Variants in TAF5 observed in about 807,000 individuals in gnomAD.
TAF5 encodes the protein TATA-box binding protein associated factor 5, also known as transcription initiation factor TFIID subunit 5.
A neutral mutation model predicts 80.9 loss-of-function variants in TAF5; 20 were observed. The observed-to-expected ratio is 0.25, with a 90% CI of 0.17 to 0.36. The LOEUF is 0.36. TAF5 is among the 10% of genes least tolerant of loss of function. The pLI is 1.00. For synonymous variants in TAF5, 388 were observed against 406.4 expected, an observed-to-expected ratio of 0.95 and a Z score of 0.55; for missense variants, 863 against 1,029.4, an observed-to-expected ratio of 0.84 and a Z score of 2.21.
chr10:103,368,545 A>G lies in TAF5; in HGVS notation c.556A>G (p.Lys186Glu), dbSNP rs1284055901. The G allele has an allele frequency of 2.6e-6, 4 of 1,513,536 alleles. No individual in the cohort carries two copies. Among genetic ancestry groups the G allele is most frequent in the South Asian group, 2.5e-5 (2 of 79,892 alleles). The allele number at this position is 1,513,536 out of a possible 1,614,324, so 93.8% of individuals were successfully genotyped here. Reference sequence around the variant, plus strand: ...AGCCTCAGGTCCTGCGGCTCCGGGTAAAGGTGAGCCGTGGGGTCCCGGGTA... The same window carrying G: ...AGCCTCAGGTCCTGCGGCTCCGGGTGAAGGTGAGCCGTGGGGTCCCGGGTA... ...GSASGPAAPG[K>E]VGSVAVEDQP... The change falls in exon 1 of 11, where the codon AAA (lysine) becomes GAA (glutamate). Residue 186 changes from lysine to glutamate, a missense_variant. Lys to Glu is a moderately conservative substitution (Grantham distance 56, BLOSUM62 1). Transcript: ENST00000369839.
chr10:103,385,650 C>T (rs149271488), intron 8 of TAF5, among the ~76,000 whole-genome samples, 160 bp downstream of exon 8: 17 of 152,012 alleles, frequency 1.1e-4, no homozygotes, highest in East Asian at 5.8e-4. Context: ...TGGGGCCGGG[C>T]GCAGTGGCTT....
rs2093349253 is a variant in TAF5, at chr10:103,368,102, G to A, written c.113G>A (p.Gly38Asp). Residue 38 changes from glycine to aspartate, a missense_variant, in exon 1 of 11, where the codon GGC (glycine) becomes GAC (aspartate). Physicochemically the swap from Gly to Asp is moderately conservative, Grantham distance 94. Transcript: ENST00000369839. ...AGDGAGEGSGGTTNNGPNGGG... is the reference protein window; with the variant it reads ...AGDGAGEGSGDTTNNGPNGGG... Reference sequence around the variant, plus strand: ...GACGGCGCAGGCGAGGGTAGCGGCGGCACTACCAACAACGGCCCCAACGGC... The same window carrying A: ...GACGGCGCAGGCGAGGGTAGCGGCGACACTACCAACAACGGCCCCAACGGC... The A allele has an allele frequency of 4.2e-6, 6 of 1,419,920 alleles. No homozygotes were observed. In the South Asian group the frequency reaches 5.9e-5, roughly 14 times the overall value. 88.0% of individuals were successfully genotyped at this position (1,419,920 alleles called of 1,614,324 possible).
chr10:103,380,231 C>T (rs1347274194), intron 5 of TAF5, among the ~76,000 whole-genome samples: 1 of 151,936 alleles, frequency 6.6e-6, no homozygotes, highest in Non-Finnish European at 1.5e-5. Context: ...CAGGTTCATG[C>T]CATTCTTCTG....
At position 103,378,205 on chromosome 10, in the gene TAF5, A is replaced by C. The variant is rs758011284; in HGVS notation, c.798-30A>C. 3 of 1,589,352 alleles carry C rather than the reference A, an allele frequency of 1.9e-6. No individual in the cohort carries two copies. Among genetic ancestry groups the C allele is most frequent in the Non-Finnish European group, 1.7e-6 (2 of 1,165,566 alleles). The stretch of plus-strand genomic sequence containing the variant: ...GGCAGATCCCTTAATGATTACATTG[A>C]AAAATGACTTTTTAAAATCACTGAA... On this transcript the variant is annotated intron_variant, in intron 2 of 10. Transcript: ENST00000369839. This position sits in a 1 kb window ranked among gnomAD's most constrained non-coding sequence, Gnocchi z 4.1.
At chr10:103,386,505 AGAG>A (rs1168508070) in intron 8 of TAF5, among the ~76,000 whole-genome samples, 4 of 152,300 alleles carry the variant, frequency 2.6e-5, no homozygotes, top group African/African-American at 7.2e-5. Context: ...GACTAGGAAT[AGAG>A]GAGGAAGAAT....
At chr10:103,386,470 G>A (rs1298224856) in intron 8 of TAF5, among the ~76,000 whole-genome samples, 1 of 152,042 alleles carries the variant, frequency 6.6e-6, no homozygotes, top group African/African-American at 2.4e-5. Context: ...GCCAGAACTA[G>A]GGGAAAATAC....
chr10:103,369,179 A>T (rs2093353217), intron 1 of TAF5, among the ~76,000 whole-genome samples: 2 of 151,002 alleles, frequency 1.3e-5, no homozygotes, highest in Admixed American at 1.3e-4. Flanking sequence ...GGCTTTCACC[A>T]TGTTGGTCAG....
At position 103,368,359 on chromosome 10, in the gene TAF5, G is replaced by A. The variant is rs753370583; in HGVS notation, c.370G>A (p.Glu124Lys). 3 of 1,577,242 alleles carry A rather than the reference G, an allele frequency of 1.9e-6. No individual in the cohort carries two copies. In the Admixed American group the frequency reaches 5.4e-5, roughly 28 times the overall value. ...GCTGCGCCGTGAGGCCGGGCTGCTG[G>A]AGGAGGCAGTGGCGGGCTCCGGAGC... Reference protein sequence around the residue: ...EALRREAGLLEEAVAGSGAPG... With the variant: ...EALRREAGLLKEAVAGSGAPG... Residue 124 changes from glutamate (E) to lysine (K), a missense_variant, in exon 1 of 11, where the codon GAG becomes AAG. Physicochemically the swap from Glu to Lys is moderately conservative, Grantham distance 56 (BLOSUM62 1). Transcript: ENST00000369839.
At chr10:103,369,325 T>C (rs554239890) in intron 1 of TAF5, among the ~76,000 whole-genome samples, 4 of 148,300 alleles carry the variant, frequency 2.7e-5, no homozygotes, top group Non-Finnish European at 5.9e-5. Flanking sequence ...ATGTACCCCC[T>C]GAATCTCAGC....
Position 103,368,423 on chromosome 10 carries a change from G to C in TAF5, c.434G>C (p.Ser145Thr). Residue 145 changes from serine (S) to threonine (T), a missense_variant, in exon 1 of 11, where the codon AGC (serine) becomes ACC (threonine). Around this residue, in one of 3 missense-constraint regions of TAF5, gnomAD observed 367 missense variants for 335.5 expected, o/e 1.09. Transcript: ENST00000369839. ...EVDSAGAEVT[S>T]ALLSRVTASA... The stretch of plus-strand genomic sequence containing the variant: ...GACAGCGCCGGCGCTGAGGTGACCA[G>C]CGCGCTTCTCAGCCGGGTGACCGCC... 5.1e-6 allele frequency: 8 copies of C among 1,576,284 alleles called. No individual in the cohort carries two copies. Among genetic ancestry groups the C allele is most frequent in the Non-Finnish European group, 6.8e-6 (8 of 1,170,720 alleles).
intron 8 of TAF5, among the ~76,000 whole-genome samples, chr10:103,386,752 C>G (rs907392897): frequency 6.6e-6 from 1 of 151,704 alleles, no homozygotes; most frequent in Non-Finnish European, 1.5e-5. Flanking sequence ...CAACCTCTAC[C>G]TCCTGGGTTC....
At position 103,387,583 on chromosome 10, in the gene TAF5, T is replaced by C; in HGVS notation, c.2070T>C (p.Asp690=). The C allele has an allele frequency of 6.2e-7, 1 of 1,614,162 alleles. No individual in the cohort carries two copies. The highest frequency in any genetic ancestry group is 8.5e-7 in the Non-Finnish European group (1 of 1,180,022). ...GATTCCTGGCTACAGGAGCAACAGA[T>C]GGCAGAGTGCTTCTTTGGGATATTG... ...NGRFLATGAT[D]GRVLLWDIGH... is the part of the protein sequence containing the mutation. The change falls in exon 10 of 11, where the codon GAT becomes GAC. Residue 690 remains aspartate, a synonymous_variant. Transcript: ENST00000369839.
chr10:103,385,103 C>T (rs1592095835), intron 7 of TAF5, among the ~76,000 whole-genome samples: 1 of 151,928 alleles, frequency 6.6e-6, no homozygotes, highest in South Asian at 2.1e-4. Flanking sequence ...AGTAGGTGCT[C>T]GGTATATGTA....
chr10:103,381,641 G>C, intron 5 of TAF5, 80 bp from the exon 6 acceptor site: 1 of 1,413,970 alleles, frequency 7.1e-7, no homozygotes, highest in Non-Finnish European at 1.0e-6. Context: ...ATTTAGTATA[G>C]TGTGAAAATG....
Position 103,388,272 on chromosome 10 carries a change from G to A in TAF5, c.*49G>A, listed in dbSNP as rs745514128. ...GGAAGCTACTGTTTTTAAAAAGGGA[G>A]ACTAAAAGCAAATACCTCAGTGATT... On this transcript the variant is annotated 3_prime_UTR_variant, in exon 11 of 11. Coordinates refer to ENST00000369839, the MANE Select transcript of TAF5 (RefSeq NM_006951.5). 2.0e-6 allele frequency: 3 copies of A among 1,483,092 alleles called. No homozygotes were observed. The highest frequency in any genetic ancestry group is 2.8e-6 in the Non-Finnish European group (3 of 1,083,070). 91.9% of individuals were successfully genotyped at this position (1,483,092 alleles called of 1,614,324 possible).
At position 103,385,494 on chromosome 10, in the gene TAF5, A is replaced by G. The variant is rs1425687303; in HGVS notation, c.1829+4A>G. ...GGGGCCATGACCGAGTAGCTCGGTA[A>G]GAACACTGTGATCTTATGACTGGGT... is the stretch of plus-strand genomic sequence containing the variant. On this transcript the variant is annotated splice_donor_region_variant and intron_variant, in intron 8 of 10. Transcript: ENST00000369839. The G allele has an allele frequency of 1.2e-6, 2 of 1,613,554 alleles. No individual in the cohort carries two copies. Among genetic ancestry groups the G allele is most frequent in the Non-Finnish European group, 1.7e-6 (2 of 1,179,906 alleles).
intron 1 of TAF5, among the ~76,000 whole-genome samples, chr10:103,369,239 A>G (rs1016459455): frequency 6.6e-6 from 1 of 152,088 alleles, no homozygotes; most frequent in Non-Finnish European, 1.5e-5. Context: ...TCGGCCTCCT[A>G]CAGTGCTGGG....
chr10:103,382,392 T>G (rs1334975369), intron 6 of TAF5, among the ~76,000 whole-genome samples: 1 of 151,816 alleles, frequency 6.6e-6, no homozygotes, highest in African/African-American at 2.4e-5. Flanking sequence ...GCCCAGGTAA[T>G]TTTTGTATTT....
Position 103,388,581 on chromosome 10 carries a change from T to G in TAF5, c.*358T>G, listed in dbSNP as rs1464673722. 5.7e-6 allele frequency: 1 copy of G among 174,242 alleles called. No individual in the cohort carries two copies. Among genetic ancestry groups the G allele is most frequent in the Non-Finnish European group, 1.2e-5 (1 of 81,342 alleles). The allele number at this position is 174,242 out of a possible 1,614,324, so 10.8% of individuals were successfully genotyped here. A position where few individuals can be genotyped will look rare whatever the true frequency, so the allele number is the denominator to read the frequency against. On this transcript the variant is annotated 3_prime_UTR_variant, in exon 11 of 11. Transcript: ENST00000369839. ...TCAAGATTCAAATTCAGAAATATAC[T>G]ATCATCTTGAATTTTAGCTGAAGAA...
Sources: gnomAD v4.1 joint callset for allele counts (sites outside exome capture counted in the v4.1 genomes callset) on GRCh38, gnomAD v4.1.1 for gene constraint, gnomAD v4.1.1 regional missense constraint, Gnocchi (gnomAD v3.1) non-coding constraint, MANE v1.5 for transcripts, NCBI Gene and HGNC (gene_info 2026-07-23, HGNC 2026-07-21) for gene names.